The following DLGAP1 variants were observed in gnomAD, a reference collection of about 807,000 sequenced individuals.
DLGAP1 encodes the protein DLG associated protein 1, also known as disks large-associated protein 1.
A neutral mutation model predicts 90.8 loss-of-function variants in DLGAP1; 11 were observed. That is an observed-to-expected ratio of 0.12 (90% CI 0.08 to 0.20). The LOEUF (loss-of-function observed/expected upper bound fraction) is 0.20. Among genes scored for constraint, DLGAP1 ranks in the 10% least tolerant of loss-of-function variants. The pLI is 1.00. For missense variants in DLGAP1, 1,050 were observed against 1,333.8 expected, an observed-to-expected ratio of 0.79 and a Z score of 3.31; for synonymous variants, 558 against 540.7, an observed-to-expected ratio of 1.03 and a Z score of -0.44.
At chr18:3,662,039 C>T (rs2059701677) in intron 7 of DLGAP1, among the ~76,000 whole-genome samples, 1 of 151,952 alleles carries the variant, frequency 6.6e-6, no homozygotes, top group South Asian at 2.1e-4. Context: ...ACCCAAGGAA[C>T]CCACGGATTT....
chr18:3,699,583 G>A (rs991253611), intron 7 of DLGAP1, among the ~76,000 whole-genome samples: 47 of 152,122 alleles, frequency 3.1e-4, no homozygotes, highest in African/African-American at 1.1e-3. Flanking sequence ...ACTCCTGCTG[G>A]GAGGTATCTC....
intron 7 of DLGAP1, among the ~76,000 whole-genome samples, chr18:3,709,749 GGGTTT>G (rs2061544871): frequency 6.6e-6 from 1 of 152,126 alleles, no homozygotes; most frequent in African/African-American, 2.4e-5. Context: ...CCTGCACCCG[GGGTTT>G]GGCACAGAGA....
In DLGAP1 at chr18:3,941,810, G is replaced by A. The variant is rs768275845; in HGVS notation, c.-72-61670C>T. ...TCACTGCAGCCTCCACCTCCCAGGC[G>A]CATGTGGTCCTCCCAACTCAGCCTC... On this transcript the variant is annotated intron_variant, in intron 3 of 12. Coordinates refer to ENST00000315677, the MANE Select transcript of DLGAP1 (RefSeq NM_004746.4). 1.2e-4 allele frequency among the ~76,000 whole-genome samples: 18 copies of A among 152,056 alleles called. 1 individual carries two copies. The highest frequency in any genetic ancestry group is 2.4e-4 in the Non-Finnish European group (16 of 68,006).
chr18:3,545,620 G>C (rs1284930912), intron 9 of DLGAP1, among the ~76,000 whole-genome samples: 1 of 152,170 alleles, frequency 6.6e-6, no homozygotes, highest in African/African-American at 2.4e-5. Flanking sequence ...ACTTTGGGAA[G>C]CTGAGGTGGG....
At chr18:4,326,288 C>T (rs1238479165) in intron 1 of DLGAP1, among the ~76,000 whole-genome samples, 3 of 151,998 alleles carry the variant, frequency 2.0e-5, no homozygotes, top group Non-Finnish European at 2.9e-5. Context: ...ATCAAAACCA[C>T]GATGAGATAC....
intron 7 of DLGAP1, among the ~76,000 whole-genome samples, chr18:3,716,337 C>A (rs934341427): frequency 4.6e-5 from 7 of 152,128 alleles, no homozygotes; most frequent in Non-Finnish European, 7.4e-5. Context: ...CTGCTTGAGA[C>A]CAGCCTGGGC....
In DLGAP1 at chr18:3,611,157, T is replaced by C. The variant is rs535328310; in HGVS notation, c.1592-28909A>G. Reference sequence around the variant, plus strand: ...TAAAAAAAAAAAGTGTATACTTTTTTTTCCTGTTAATTTACTATATGTTTG... The same window carrying C: ...TAAAAAAAAAAAGTGTATACTTTTTCTTCCTGTTAATTTACTATATGTTTG... On this transcript the variant is annotated intron_variant, in intron 7 of 12. Coordinates refer to ENST00000315677, the MANE Select transcript of DLGAP1 (RefSeq NM_004746.4). Among the ~76,000 whole-genome samples, 18 of 152,170 alleles carry C rather than the reference T, an allele frequency of 1.2e-4. No homozygotes were observed. In the South Asian group the frequency reaches 3.5e-3, roughly 30 times the overall value.
intron 9 of DLGAP1, among the ~76,000 whole-genome samples, chr18:3,538,632 C>G (rs549766632): frequency 3.3e-5 from 5 of 152,324 alleles, no homozygotes; most frequent in African/African-American, 1.2e-4. Flanking sequence ...TCCTTGCAAA[C>G]AGTTGACATT....
chr18:4,106,607 C>T (rs1438210218), intron 2 of DLGAP1, among the ~76,000 whole-genome samples: 1 of 152,132 alleles, frequency 6.6e-6, no homozygotes, highest in Non-Finnish European at 1.5e-5. Context: ...TTCCTTCAGC[C>T]GGCAGAGGGC....
In DLGAP1 at chr18:4,360,150, T is replaced by C. The variant is rs148429823; in HGVS notation, c.-267+94856A>G. On this transcript the variant is annotated intron_variant, in intron 1 of 12. Coordinates refer to ENST00000315677, the MANE Select transcript of DLGAP1 (RefSeq NM_004746.4). ...ATCCACTGGGCACCATGGAATTACT[T>C]AGAGGAAGAATATAGACAGAAAAAA... 4.0e-3 allele frequency among the ~76,000 whole-genome samples: 615 copies of C among 152,256 alleles called. 8 individuals carry two copies. The highest frequency in any genetic ancestry group is 0.014 in the African/African-American group (595 of 41,538).
At chr18:3,676,799 G>T (rs2146831569) in intron 7 of DLGAP1, among the ~76,000 whole-genome samples, 1 of 151,924 alleles carries the variant, frequency 6.6e-6, no homozygotes, top group South Asian at 2.1e-4. Flanking sequence ...CATTTTCATG[G>T]TTTAAAATCC....
chr18:4,127,419 C>G (rs955168544), intron 2 of DLGAP1, among the ~76,000 whole-genome samples: 1 of 151,260 alleles, frequency 6.6e-6, no homozygotes, highest in Non-Finnish European at 1.5e-5. Flanking sequence ...TGAAGAGGTA[C>G]AAAAATACAA....
intron 1 of DLGAP1, among the ~76,000 whole-genome samples, chr18:4,197,532 T>C (rs1439580353): frequency 6.6e-6 from 1 of 152,090 alleles, no homozygotes; most frequent in Non-Finnish European, 1.5e-5. Flanking sequence ...TGGCAGAGCA[T>C]GACCAGATTG....
chr18:4,052,262 C>T (rs2075145470), intron 2 of DLGAP1, among the ~76,000 whole-genome samples: 1 of 152,186 alleles, frequency 6.6e-6, no homozygotes, highest in Admixed American at 6.5e-5. Context: ...AAAGATTCTC[C>T]TGAGGGATCT....
chr18:4,108,056 G>A (rs1417531163), intron 2 of DLGAP1, among the ~76,000 whole-genome samples: 3 of 152,190 alleles, frequency 2.0e-5, no homozygotes, highest in Non-Finnish European at 4.4e-5. Flanking sequence ...CTCTCCTGAA[G>A]CAGATCATAG....
At chr18:3,602,535 C>T (rs575337482) in intron 7 of DLGAP1, among the ~76,000 whole-genome samples, 73 of 135,744 alleles carry the variant, frequency 5.4e-4, no homozygotes, top group Admixed American at 1.5e-3. Context: ...GCGGAGCTTG[C>T]AGGGAGCCGA....
chr18:4,109,085 C>T (rs950988150), intron 2 of DLGAP1, among the ~76,000 whole-genome samples: 1 of 152,056 alleles, frequency 6.6e-6, no homozygotes, highest in African/African-American at 2.4e-5. Context: ...TGGCTCATGA[C>T]CTGGAAATGA....
intron 1 of DLGAP1, among the ~76,000 whole-genome samples, chr18:4,212,022 T>C (rs1008659555): frequency 2.0e-5 from 3 of 152,214 alleles, no homozygotes; most frequent in Non-Finnish European, 4.4e-5. Context: ...TGAAAATGTA[T>C]GCATTTACCA....
chr18:4,115,080 A>T (rs2076038819), intron 2 of DLGAP1, among the ~76,000 whole-genome samples: 1 of 152,026 alleles, frequency 6.6e-6, no homozygotes, highest in Non-Finnish European at 1.5e-5. Context: ...CTAGTGTGAT[A>T]TTTATTTAAC....
Sources: allele counts gnomAD v4.1 joint callset (sites outside exome capture counted in the v4.1 genomes callset), GRCh38; gene constraint gnomAD v4.1.1; transcripts MANE v1.5; gene names NCBI Gene and HGNC (gene_info 2026-07-23, HGNC 2026-07-21).